Variants in GRM7 observed in about 807,000 individuals in gnomAD.
GRM7 encodes glutamate metabotropic receptor 7, also known as metabotropic glutamate receptor 7.
Under a neutral mutation model 84.5 loss-of-function variants are expected in GRM7, and 35 were observed. That is an observed-to-expected ratio of 0.41 (90% CI 0.32 to 0.55). GRM7 has a LOEUF of 0.55. GRM7 is among the 20% of genes least tolerant of loss of function. The pLI, the probability that GRM7 is intolerant of heterozygous loss-of-function variation, is 0.19. For synonymous variants in GRM7, 487 were observed against 455.1 expected (o/e 1.07, Z -0.89); for missense variants, 1,003 against 1,194.6 (o/e 0.84, Z 2.36).
chr3:7,450,241 C>G (rs989380603), intron 5 of GRM7, among the ~76,000 whole-genome samples: 5 of 152,110 alleles, frequency 3.3e-5, no homozygotes, highest in African/African-American at 1.2e-4. Flanking sequence ...GGTAGCCTTT[C>G]TCACGTACCT....
chr3:7,732,641 C>T (rs1702372060), intron 9 of GRM7, among the ~76,000 whole-genome samples: 1 of 152,122 alleles, frequency 6.6e-6, no homozygotes, highest in South Asian at 2.1e-4. Flanking sequence ...ACTGCTTTAG[C>T]ATTAAAGGCT....
rs118113219 is a variant in GRM7 at position 7,124,470 on chromosome 3, C to T, written c.520-21982C>T. On this transcript the variant is annotated intron_variant, in intron 1 of 9. Coordinates refer to ENST00000357716, the MANE Select transcript of GRM7 (RefSeq NM_000844.4). ...GCAGTGAACTGAGATCGCACCATTG[C>T]GCTCCAACCTGGAGTGATATCCAGA... Among the ~76,000 whole-genome samples the T allele has an allele frequency of 1.6e-3, 245 of 152,222 alleles. 3 individuals carry two copies. The highest frequency in any genetic ancestry group is 5.7e-3 in the African/African-American group (238 of 41,542).
intron 1 of GRM7, among the ~76,000 whole-genome samples, chr3:6,973,599 A>G (rs183318064): frequency 3.2e-4 from 48 of 152,356 alleles, no homozygotes; most frequent in Admixed American, 2.0e-3. Context: ...TGACCAAGGC[A>G]GAACTCACTG....
chr3:7,137,761 C>T (rs1693817131), intron 1 of GRM7, among the ~76,000 whole-genome samples: 1 of 151,722 alleles, frequency 6.6e-6, no homozygotes, highest in Non-Finnish European at 1.5e-5. Context: ...CAATTCAGGA[C>T]CAGAAAAACC....
chr3:7,676,958 G>A (rs887285070), intron 8 of GRM7, among the ~76,000 whole-genome samples: 2 of 151,926 alleles, frequency 1.3e-5, no homozygotes, highest in African/African-American at 4.8e-5. Flanking sequence ...AGTGATGCAT[G>A]ACTGTACTTA....
intron 7 of GRM7, among the ~76,000 whole-genome samples, chr3:7,513,229 C>T (rs1432235778): frequency 1.3e-5 from 2 of 152,144 alleles, no homozygotes; most frequent in South Asian, 2.1e-4. Context: ...TCACCTTTCT[C>T]CTGGTGTTTT....
intron 4 of GRM7, among the ~76,000 whole-genome samples, chr3:7,382,206 G>A (rs1694619223): frequency 6.6e-6 from 1 of 152,038 alleles, no homozygotes; most frequent in Non-Finnish European, 1.5e-5. Flanking sequence ...AGTGAAAGCT[G>A]TTTATTTCTG....
intron 1 of GRM7, among the ~76,000 whole-genome samples, chr3:6,947,672 T>A (rs537751477): frequency 6.6e-6 from 1 of 152,326 alleles, no homozygotes; most frequent in Non-Finnish European, 1.5e-5. Context: ...CGACTGTGAA[T>A]CCATCTGGTC....
chr3:7,011,332 C>A lies in GRM7; in HGVS notation c.520-135120C>A, dbSNP rs141859356. Among the ~76,000 whole-genome samples the A allele has an allele frequency of 6.6e-3, 1,007 of 152,162 alleles. 15 individuals are homozygous for A. Among genetic ancestry groups the A allele is most frequent in the African/African-American group, 0.022 (934 of 41,512 alleles). On this transcript the variant is annotated intron_variant, in intron 1 of 9. Coordinates refer to ENST00000357716, the MANE Select transcript of GRM7 (RefSeq NM_000844.4). ...GCTCTCTGTAAATAAAAGAAAATAA[C>A]CTTTATTACCATTAGTGAATTGGTA...
chr3:7,415,247 G>T, intron 5 of GRM7, 84 bp downstream of exon 5: 1 of 1,163,486 alleles, frequency 8.6e-7, no homozygotes, highest in Non-Finnish European at 1.2e-6. Flanking sequence ...AGGAAGCTTG[G>T]CTGGAGACAA....
intron 8 of GRM7, among the ~76,000 whole-genome samples, chr3:7,599,007 A>T (rs1041659908): frequency 1.3e-5 from 2 of 152,160 alleles, no homozygotes; most frequent in Non-Finnish European, 2.9e-5. Context: ...CTTGAAAGAG[A>T]ATTTCTACTC....
In GRM7 at chr3:6,890,927, G is replaced by C. The variant is rs1279944673; in HGVS notation, c.519+29020G>C. ...GAACCTGGGTGCTCCTGTATTGGGTGTATATATATTTAGGATAGTTAGCTC... is the reference window on the plus strand; with the variant it reads ...GAACCTGGGTGCTCCTGTATTGGGTCTATATATATTTAGGATAGTTAGCTC... On this transcript the variant is annotated intron_variant, in intron 1 of 9. Transcript: ENST00000357716. Among the ~76,000 whole-genome samples the C allele has an allele frequency of 2.6e-5, 4 of 152,210 alleles. No homozygotes were observed. In the East Asian group the frequency reaches 7.7e-4, roughly 29 times the overall value.
intron 1 of GRM7, among the ~76,000 whole-genome samples, chr3:6,898,491 G>A (rs1369331302): frequency 6.6e-6 from 1 of 151,604 alleles, no homozygotes; most frequent in African/African-American, 2.4e-5. Flanking sequence ...ACAGGCAGAG[G>A]CTGGAAGTTA....
intron 8 of GRM7, among the ~76,000 whole-genome samples, chr3:7,661,067 C>T (rs1409256138): frequency 6.6e-6 from 1 of 152,186 alleles, no homozygotes; most frequent in Non-Finnish European, 1.5e-5. Flanking sequence ...TCTTAGGTAT[C>T]ATGCCGAACA....
chr3:7,666,702 A>T (rs990954191), intron 8 of GRM7, among the ~76,000 whole-genome samples: 2 of 152,172 alleles, frequency 1.3e-5, no homozygotes, highest in African/African-American at 4.8e-5. Flanking sequence ...GGGCATTGGG[A>T]TGAGAAGGGA....
intron 7 of GRM7, among the ~76,000 whole-genome samples, chr3:7,510,326 C>G (rs1018494352): frequency 2.0e-5 from 3 of 152,182 alleles, no homozygotes; most frequent in African/African-American, 7.2e-5. Context: ...TAAATACCCT[C>G]CTTTGTCTCT....
intron 7 of GRM7, among the ~76,000 whole-genome samples, chr3:7,532,836 T>G (rs1223544954): frequency 8.3e-6 from 1 of 120,414 alleles, no homozygotes. Context: ...GGGGTTGCCA[T>G]CCTAGTCTCT....
At chr3:7,588,221 T>A (rs1456152324) in intron 8 of GRM7, among the ~76,000 whole-genome samples, 1 of 152,202 alleles carries the variant, frequency 6.6e-6, no homozygotes, top group African/African-American at 2.4e-5. Flanking sequence ...GTATAATGGA[T>A]CTCTGGCTGT....
At chr3:6,945,388 G>A (rs1025803741) in intron 1 of GRM7, among the ~76,000 whole-genome samples, 9 of 152,004 alleles carry the variant, frequency 5.9e-5, no homozygotes, top group African/African-American at 1.9e-4. Context: ...CAAAGGACAC[G>A]AACTCATCAT....
Sources: allele counts gnomAD v4.1 joint callset (sites outside exome capture counted in the v4.1 genomes callset), GRCh38; gene constraint gnomAD v4.1.1; transcripts MANE v1.5; gene names NCBI Gene and HGNC (gene_info 2026-07-23, HGNC 2026-07-21).